LRP6: variants seen among roughly 807,000 people sequenced by gnomAD.
LRP6 encodes the protein LDL receptor related protein 6.
A neutral mutation model predicts 184.1 loss-of-function variants in LRP6; 43 were observed. That is an observed-to-expected ratio of 0.23 (90% CI 0.18 to 0.30). The LOEUF (loss-of-function observed/expected upper bound fraction) is 0.30, where lower values mean the gene tolerates loss of function less well. Ranked by LOEUF, LRP6 falls within the 10% of genes least tolerant of loss-of-function variation. LRP6 has a pLI of 1.00. For missense variants in LRP6, 1,571 were observed against 2,005.3 expected, an observed-to-expected ratio of 0.78 and a Z score of 4.14; for synonymous variants, 719 against 684.9, an observed-to-expected ratio of 1.05 and a Z score of -0.78.
At chr12:12,178,753 T>G (rs967343404) in intron 7 of LRP6, among the ~76,000 whole-genome samples, 1 of 152,100 alleles carries the variant, frequency 6.6e-6, no homozygotes, top group African/African-American at 2.4e-5. Context: ...CTATGCAAAA[T>G]TTTCTATTAA....
At chr12:12,122,026 G>C (rs1207284825) in intron 22 of LRP6, among the ~76,000 whole-genome samples, 2 of 152,152 alleles carry the variant, frequency 1.3e-5, no homozygotes, top group South Asian at 4.1e-4. Flanking sequence ...TTCATTCCCT[G>C]TGTATAGGTA....
chr12:12,131,034 T>G (rs1220269659), intron 18 of LRP6, 141 bp from the exon 19 acceptor site: 1 of 624,646 alleles, frequency 1.6e-6, no homozygotes, highest in African/African-American at 1.9e-5. Flanking sequence ...TTCTCTGGAG[T>G]TCCATTGGTT....
intron 2 of LRP6, among the ~76,000 whole-genome samples, chr12:12,229,395 A>T (rs2135888002): frequency 9.6e-6 from 1 of 104,328 alleles, no homozygotes. Context: ...AAAGAAGAAG[A>T]AGAAGAATAT....
At chr12:12,237,653 G>A (rs368037039) in intron 2 of LRP6, among the ~76,000 whole-genome samples, 3 of 152,152 alleles carry the variant, frequency 2.0e-5, no homozygotes, top group Non-Finnish European at 2.9e-5. Context: ...CCACTTCTGT[G>A]GTATTCTTGC....
chr12:12,184,268 T>C (rs1374516186), intron 4 of LRP6, among the ~76,000 whole-genome samples, 157 bp from the exon 5 acceptor site: 2 of 152,204 alleles, frequency 1.3e-5, no homozygotes, highest in Admixed American at 1.3e-4. Context: ...AATTAATCAG[T>C]GTGAATTTAC....
At chr12:12,245,735 GT>G (rs1865167754) in intron 1 of LRP6, among the ~76,000 whole-genome samples, 1 of 152,128 alleles carries the variant, frequency 6.6e-6, no homozygotes, top group Non-Finnish European at 1.5e-5. Flanking sequence ...CTTTGAGAAA[GT>G]TGAAGCTGTT....
chr12:12,185,847 G>GTT (rs71435899), intron 4 of LRP6, among the ~76,000 whole-genome samples: 161 of 140,890 alleles, frequency 1.1e-3, no homozygotes, highest in African/African-American at 3.1e-3. Flanking sequence ...TGTGTTTTTT[G>GTT]TTTTTTTTTT....
chr12:12,178,636 T>C (rs1180044803), intron 7 of LRP6, among the ~76,000 whole-genome samples: 1 of 152,194 alleles, frequency 6.6e-6, no homozygotes, highest in Non-Finnish European at 1.5e-5. Flanking sequence ...CTCATAACCT[T>C]TGTCTCATCA....
intron 1 of LRP6, chr12:12,248,990 G>A: frequency 1.8e-6 from 1 of 558,136 alleles, no homozygotes; most frequent in Non-Finnish European, 3.2e-6. Context: ...GCAACACAAG[G>A]TGGCAGCCAC....
chr12:12,195,872 T>TGA (rs1167058433), intron 3 of LRP6, among the ~76,000 whole-genome samples: 1 of 152,084 alleles, frequency 6.6e-6, no homozygotes, highest in Admixed American at 6.6e-5. Context: ...TTGTATAAGG[T>TGA]GAGAGGTGGG....
intron 2 of LRP6, among the ~76,000 whole-genome samples, chr12:12,226,004 G>T (rs1864614025): frequency 6.6e-6 from 1 of 152,082 alleles, no homozygotes; most frequent in Admixed American, 6.6e-5. Flanking sequence ...TAACCAACCT[G>T]GGGGAAGGAA....
At chr12:12,264,669 T>C (rs1432979010) in intron 1 of LRP6, among the ~76,000 whole-genome samples, 1 of 152,184 alleles carries the variant, frequency 6.6e-6, no homozygotes, top group Non-Finnish European at 1.5e-5. Flanking sequence ...TGACTAAATA[T>C]CTTTACTATA....
chr12:12,134,483 C>T (rs948961252), intron 17 of LRP6, among the ~76,000 whole-genome samples: 1 of 152,084 alleles, frequency 6.6e-6, no homozygotes, highest in African/African-American at 2.4e-5. Flanking sequence ...TATAATTTAA[C>T]AATGGAATGT....
chr12:12,151,967 G>A (rs1007837523), intron 12 of LRP6, among the ~76,000 whole-genome samples: 1 of 152,126 alleles, frequency 6.6e-6, no homozygotes. Flanking sequence ...TGGAAAGAGA[G>A]CAGGTAAAAA....
intron 2 of LRP6, among the ~76,000 whole-genome samples, chr12:12,205,296 T>C (rs1183644107): frequency 8.5e-6 from 1 of 117,520 alleles, no homozygotes; most frequent in African/African-American, 3.5e-5. Flanking sequence ...CACTCCAGCC[T>C]GGGCAACAGA....
At chr12:12,129,520 T>G (rs1949717599) in intron 19 of LRP6, among the ~76,000 whole-genome samples, 1 of 152,186 alleles carries the variant, frequency 6.6e-6, no homozygotes, top group African/African-American at 2.4e-5. Context: ...ATTATCTACA[T>G]GATGAACACT....
At chr12:12,125,154 G>GT in intron 21 of LRP6, 142 bp downstream of exon 21, 2 of 840,434 alleles carry the variant, frequency 2.4e-6, no homozygotes, top group Non-Finnish European at 3.9e-6. Flanking sequence ...GTGGTGTGTG[G>GT]TAAGTCCTTT....
chr12:12,131,473 C>A (rs1238849714), intron 18 of LRP6, among the ~76,000 whole-genome samples: 2 of 151,988 alleles, frequency 1.3e-5, no homozygotes, highest in African/African-American at 4.8e-5. Context: ...GTTGTTTTTA[C>A]CATGGGAAAA....
intron 15 of LRP6, chr12:12,138,866 G>C: frequency 7.3e-7 from 1 of 1,377,330 alleles, no homozygotes; most frequent in South Asian, 1.1e-5. Context: ...GAGGAGCAGT[G>C]GTGGTGGACC....
Sources: gnomAD v4.1 joint callset for allele counts (sites outside exome capture counted in the v4.1 genomes callset) on GRCh38, gnomAD v4.1.1 for gene constraint, MANE v1.5 for transcripts, NCBI Gene and HGNC (gene_info 2026-07-23, HGNC 2026-07-21) for gene names.